CWC27: variants seen among roughly 807,000 people sequenced by gnomAD.
The protein encoded by CWC27 is spliceosome-associated protein CWC27 homolog.
In CWC27, 47 loss-of-function variants were observed where a neutral mutation model predicts 63.6. That is an observed-to-expected ratio of 0.74 (90% CI 0.58 to 0.94). The LOEUF (loss-of-function observed/expected upper bound fraction) is 0.94. CWC27 is among the 40% of genes least tolerant of loss of function. The probability of loss-of-function intolerance (pLI) is 0.00; values close to 1 mark genes in which losing one functional copy is unlikely to be tolerated. For missense variants in CWC27, 495 were observed against 554.3 expected (o/e 0.89, Z 1.07); for synonymous variants, 175 against 179.8 (o/e 0.97, Z 0.22).
At chr5:64,934,713 C>T (rs928339346) in intron 11 of CWC27, among the ~76,000 whole-genome samples, 1 of 152,174 alleles carries the variant, frequency 6.6e-6, no homozygotes, top group Admixed American at 6.5e-5. Flanking sequence ...ATCTACACTC[C>T]CACCAACAGT....
chr5:64,986,869 A>C (rs1460372403), intron 13 of CWC27, among the ~76,000 whole-genome samples: 1 of 152,092 alleles, frequency 6.6e-6, no homozygotes, highest in Non-Finnish European at 1.5e-5. Context: ...AGATTTGGGG[A>C]TGGCACTTTA....
Position 65,018,317 on chromosome 5 carries a change from G to A in CWC27, c.1415G>A (p.Arg472Lys). The part of the protein sequence containing the change: ...KKLMREKKER[R>K] ...CTGATGAGAGAGAAAAAAGAAAGAA[G>A]ATAAAATGAGAATAATGATAACCAG... Residue 472 changes from arginine (R) to lysine (K), a missense_variant, in exon 14 of 14, where the codon AGA becomes AAA. Around this residue, in one of 3 missense-constraint regions of CWC27, gnomAD observed 20 missense variants for 22.1 expected, o/e 0.91. Transcript: ENST00000381070. 1 of 1,588,030 alleles carries A rather than the reference G, an allele frequency of 6.3e-7. No homozygotes were observed.
At chr5:64,784,007 G>A in intron 4 of CWC27, 28 bp downstream of exon 4, 1 of 1,525,486 alleles carries the variant, frequency 6.6e-7, no homozygotes, top group Non-Finnish European at 8.8e-7. Context: ...TTAAACCTGT[G>A]GTTCAGTTTT....
chr5:64,771,611 A>G (rs1388300712), intron 1 of CWC27, among the ~76,000 whole-genome samples: 2 of 152,214 alleles, frequency 1.3e-5, no homozygotes, highest in East Asian at 1.9e-4. Context: ...CTTTCAAATG[A>G]TAGGGGTCTG....
intron 7 of CWC27, among the ~76,000 whole-genome samples, chr5:64,797,101 G>C (rs1744304316): frequency 6.6e-6 from 1 of 151,858 alleles, no homozygotes; most frequent in Admixed American, 6.6e-5. Flanking sequence ...TTTGTTTGCA[G>C]ATAGTTTTGA....
Position 64,965,917 on chromosome 5 carries a change from T to C in CWC27, c.1043-5786T>C, listed in dbSNP as rs185615136. Among the ~76,000 whole-genome samples, 9 of 152,312 alleles carry C rather than the reference T, an allele frequency of 5.9e-5. No individual in the cohort carries two copies. In the East Asian group the frequency reaches 1.3e-3, roughly 23 times the overall value. On this transcript the variant is annotated intron_variant, in intron 11 of 13. Coordinates refer to ENST00000381070, the MANE Select transcript of CWC27 (RefSeq NM_005869.4). Reference sequence around the variant, plus strand: ...TGACTAATGCTACAATATTAAGATATTATCAGGGCAAATACATTCAGGAGG... The same window carrying C: ...TGACTAATGCTACAATATTAAGATACTATCAGGGCAAATACATTCAGGAGG...
intron 10 of CWC27, among the ~76,000 whole-genome samples, chr5:64,879,391 CAG>C (rs1193950119): frequency 4.0e-5 from 6 of 151,894 alleles, no homozygotes; most frequent in Non-Finnish European, 7.4e-5. Context: ...TGCATTAAGA[CAG>C]AGAGAATTGC....
intron 11 of CWC27, among the ~76,000 whole-genome samples, chr5:64,946,149 G>A (rs1357208257): frequency 6.6e-6 from 1 of 152,084 alleles, no homozygotes; most frequent in African/African-American, 2.4e-5. Context: ...AATTAGATTT[G>A]TAATTTTTAA....
intron 10 of CWC27, among the ~76,000 whole-genome samples, chr5:64,857,905 A>T (rs912299022): frequency 2.0e-5 from 3 of 151,710 alleles, no homozygotes; most frequent in African/African-American, 7.3e-5. Flanking sequence ...TGGGAGGCCG[A>T]GGCGGGCGGA....
chr5:64,944,570 C>T (rs1036522601), intron 11 of CWC27, among the ~76,000 whole-genome samples: 5 of 152,192 alleles, frequency 3.3e-5, no homozygotes, highest in Admixed American at 2.0e-4. Context: ...CCAGATTAAG[C>T]TATTGATCTT....
At chr5:64,993,505 C>A (rs1033534547) in intron 13 of CWC27, among the ~76,000 whole-genome samples, 1 of 151,760 alleles carries the variant, frequency 6.6e-6, no homozygotes, top group South Asian at 2.1e-4. Flanking sequence ...AAAAGAAGTT[C>A]TTTAGCTGAA....
intron 10 of CWC27, among the ~76,000 whole-genome samples, chr5:64,809,935 G>C (rs1744817104): frequency 6.6e-6 from 1 of 151,714 alleles, no homozygotes; most frequent in South Asian, 2.1e-4. Flanking sequence ...TTTGTTGACT[G>C]TGTTTTGGGA....
At chr5:64,918,817 C>T (rs561455083) in intron 11 of CWC27, among the ~76,000 whole-genome samples, 2 of 152,212 alleles carry the variant, frequency 1.3e-5, no homozygotes, top group East Asian at 3.9e-4. Context: ...CTGCTATGTT[C>T]TATGGAACAT....
chr5:64,891,541 T>C (rs1747237728), intron 11 of CWC27, among the ~76,000 whole-genome samples: 1 of 152,230 alleles, frequency 6.6e-6, no homozygotes, highest in South Asian at 2.1e-4. Flanking sequence ...AAGTAAGAGA[T>C]GATCATCTTT....
intron 10 of CWC27, among the ~76,000 whole-genome samples, chr5:64,876,131 A>G (rs899988902): frequency 6.6e-6 from 1 of 152,082 alleles, no homozygotes; most frequent in Non-Finnish European, 1.5e-5. Flanking sequence ...ATAAGTATAC[A>G]TTTTCAAAAT....
chr5:64,978,658 C>G (rs1749276650), intron 13 of CWC27, among the ~76,000 whole-genome samples: 1 of 141,548 alleles, frequency 7.1e-6, no homozygotes, highest in African/African-American at 2.6e-5. Context: ...CTCAAAATCT[C>G]TTTCAAATGT....
intron 13 of CWC27, among the ~76,000 whole-genome samples, chr5:65,013,774 A>C (rs1750002055): frequency 6.6e-6 from 1 of 152,194 alleles, no homozygotes; most frequent in South Asian, 2.1e-4. Context: ...ATAAGTTCCT[A>C]AGTTAGGGTG....
intron 11 of CWC27, among the ~76,000 whole-genome samples, chr5:64,911,213 G>C (rs1043727456): frequency 6.6e-6 from 1 of 152,092 alleles, no homozygotes; most frequent in African/African-American, 2.4e-5. Flanking sequence ...TCTCTCTCTT[G>C]TTCTTCAGTT....
chr5:64,930,934 T>C (rs1748225147), intron 11 of CWC27, among the ~76,000 whole-genome samples: 1 of 152,118 alleles, frequency 6.6e-6, no homozygotes, highest in Admixed American at 6.5e-5. Context: ...GAAAAACAAC[T>C]GTCTTGTATT....
Sources: gnomAD v4.1 joint callset for allele counts (sites outside exome capture counted in the v4.1 genomes callset) on GRCh38, gnomAD v4.1.1 for gene constraint, gnomAD v4.1.1 regional missense constraint, MANE v1.5 for transcripts, NCBI Gene and HGNC (gene_info 2026-07-23, HGNC 2026-07-21) for gene names.